The following ACBD6 variants were observed in gnomAD, a reference collection of about 807,000 sequenced individuals.
ACBD6 encodes acyl-CoA-binding domain-containing protein 6.
Under a neutral mutation model 37.2 loss-of-function variants are expected in ACBD6, and 28 were observed. That is an observed-to-expected ratio of 0.75 (90% CI 0.56 to 1.03). The LOEUF (loss-of-function observed/expected upper bound fraction) is 1.03. Among genes scored for constraint, ACBD6 ranks in the 50% least tolerant of loss-of-function variants. The pLI, the probability that ACBD6 is intolerant of heterozygous loss-of-function variation, is 0.00. For synonymous variants in ACBD6, 113 were observed against 126.8 expected (o/e 0.89, Z 0.73); for missense variants, 340 against 337.4 (o/e 1.01, Z -0.06).
chr1:180,435,879 T>C (rs991799547), intron 3 of ACBD6: 2 of 1,387,962 alleles, frequency 1.4e-6, no homozygotes, highest in Non-Finnish European at 1.0e-6. Flanking sequence ...TCAGCTCTTC[T>C]GGATGGCAAG....
intron 6 of ACBD6, among the ~76,000 whole-genome samples, chr1:180,365,311 A>T (rs1653014782): frequency 6.6e-6 from 1 of 152,298 alleles, no homozygotes; most frequent in South Asian, 2.1e-4. Context: ...ATTTTTCAAG[A>T]GAAGTCTAAA....
At chr1:180,270,835 C>T (rs1036302342) in exon 14 of ACBD6, 2 of 186,880 alleles carry the variant, frequency 1.1e-5, no homozygotes, top group Non-Finnish European at 2.3e-5. Flanking sequence ...GGGTTCTGAC[C>T]TATAGTTTAG....
chr1:180,278,192 G>GGCC (rs1451085899), intron 9 of ACBD6: 1 of 152,156 alleles, frequency 6.6e-6, no homozygotes, highest in Non-Finnish European at 1.5e-5. Flanking sequence ...AAGGCCTGAG[G>GGCC]AGGCTCATTT....
intron 3 of ACBD6, among the ~76,000 whole-genome samples, chr1:180,479,075 A>G (rs7533246): frequency 0.034 from 5,129 of 152,238 alleles, 258 homozygotes; most frequent in African/African-American, 0.092. Context: ...TGAGGCTGCA[A>G]TGAGCTAGGA....
intron 7 of ACBD6, among the ~76,000 whole-genome samples, chr1:180,311,415 T>TCA (rs1650588996): frequency 6.6e-6 from 1 of 152,162 alleles, no homozygotes; most frequent in Admixed American, 6.5e-5. Flanking sequence ...CTCAGACTAT[T>TCA]CATAGTTCTT....
At chr1:180,449,544 A>T (rs548992901) in intron 3 of ACBD6, among the ~76,000 whole-genome samples, 2 of 151,644 alleles carry the variant, frequency 1.3e-5, no homozygotes, top group East Asian at 3.9e-4. Context: ...AGTAGCTGGG[A>T]TTACAGGTGC....
At chr1:180,381,452 GA>G (rs1653644710) in intron 6 of ACBD6, among the ~76,000 whole-genome samples, 1 of 152,132 alleles carries the variant, frequency 6.6e-6, no homozygotes, top group African/African-American at 2.4e-5. Context: ...CTCCAGGACA[GA>G]CCATACATTA....
intron 6 of ACBD6, among the ~76,000 whole-genome samples, chr1:180,334,979 C>T (rs138434658): frequency 0.012 from 1,859 of 152,072 alleles, 26 homozygotes; most frequent in African/African-American, 0.038. Context: ...TAAAAAGAAA[C>T]GAACAAAGCC....
At chr1:180,421,332 C>T (rs1648353834) in intron 4 of ACBD6, among the ~76,000 whole-genome samples, 1 of 152,182 alleles carries the variant, frequency 6.6e-6, no homozygotes, top group African/African-American at 2.4e-5. Flanking sequence ...CATGTCCCTG[C>T]AAAGGACATG....
chr1:180,487,299 C>T (rs777950377), intron 3 of ACBD6, among the ~76,000 whole-genome samples: 1 of 152,060 alleles, frequency 6.6e-6, no homozygotes, highest in Admixed American at 6.5e-5. Context: ...ATTGCAGTTA[C>T]CCACTGCCAA....
At chr1:180,476,107 A>G (rs1319716364) in intron 3 of ACBD6, among the ~76,000 whole-genome samples, 1 of 152,230 alleles carries the variant, frequency 6.6e-6, no homozygotes, top group African/African-American at 2.4e-5. Flanking sequence ...TCTGGTTCCA[A>G]TGCAACCCAA....
intron 3 of ACBD6, among the ~76,000 whole-genome samples, chr1:180,462,082 A>G (rs1247241021): frequency 6.6e-6 from 1 of 152,066 alleles, no homozygotes; most frequent in Non-Finnish European, 1.5e-5. Context: ...CTAAAAATAT[A>G]AAAATTAGCT....
intron 5 of ACBD6, among the ~76,000 whole-genome samples, chr1:180,402,592 G>T (rs1647416161): frequency 6.6e-6 from 1 of 152,104 alleles, no homozygotes; most frequent in African/African-American, 2.4e-5. Context: ...GCCAAAGCGG[G>T]CAAGTATGAG....
chr1:180,381,309 C>G (rs745597463), intron 6 of ACBD6, among the ~76,000 whole-genome samples: 5 of 152,132 alleles, frequency 3.3e-5, no homozygotes, highest in Non-Finnish European at 7.4e-5. Flanking sequence ...CAGAAATCAT[C>G]TAGACAGAAA....
chr1:180,430,390 C>T (rs961093391), intron 3 of ACBD6, 128 bp from the exon 4 acceptor site: 9 of 780,778 alleles, frequency 1.2e-5, no homozygotes, highest in Non-Finnish European at 1.9e-5. Flanking sequence ...CTCTTCAAAC[C>T]CTAGTAAAAC....
chr1:180,294,096 T>C (rs921974512), intron 7 of ACBD6, among the ~76,000 whole-genome samples: 2 of 148,790 alleles, frequency 1.3e-5, no homozygotes, highest in African/African-American at 4.9e-5. Flanking sequence ...GGTTTCACCA[T>C]GTTGGCCAGG....
At chr1:180,363,799 A>G (rs1397218658) in intron 6 of ACBD6, among the ~76,000 whole-genome samples, 1 of 152,168 alleles carries the variant, frequency 6.6e-6, no homozygotes, top group African/African-American at 2.4e-5. Flanking sequence ...GCAGCCAGGG[A>G]AGGCTTTGTA....
chr1:180,433,355 A>T (rs1408983015), intron 3 of ACBD6, among the ~76,000 whole-genome samples: 1 of 152,184 alleles, frequency 6.6e-6, no homozygotes, highest in African/African-American at 2.4e-5. Context: ...TCATGATAAA[A>T]ACACTAAATA....
intron 7 of ACBD6, among the ~76,000 whole-genome samples, chr1:180,303,732 T>G (rs1166748636): frequency 1.3e-5 from 2 of 150,660 alleles, no homozygotes; most frequent in Admixed American, 6.6e-5. Flanking sequence ...TAGAAAAAGA[T>G]GGAATCCTCC....
Sources: gnomAD v4.1 joint callset for allele counts (sites outside exome capture counted in the v4.1 genomes callset) on GRCh38, gnomAD v4.1.1 for gene constraint, MANE v1.5 for transcripts, NCBI Gene and HGNC (gene_info 2026-07-23, HGNC 2026-07-21) for gene names.